The following SUPT3H variants were observed in gnomAD, a reference collection of about 807,000 sequenced individuals.
The protein encoded by SUPT3H is transcription initiation protein SPT3 homolog.
SUPT3H carries 44 observed loss-of-function variants against 44.3 expected under a neutral mutation model. The observed-to-expected ratio is 0.99, with a 90% CI of 0.78 to 1.28. The LOEUF (loss-of-function observed/expected upper bound fraction) is 1.28, where lower values mean the gene tolerates loss of function less well. Among genes scored for constraint, SUPT3H ranks in the 50% most tolerant of loss-of-function variants. The pLI is 0.00. For missense variants in SUPT3H, 380 were observed against 387.1 expected, an observed-to-expected ratio of 0.98 and a Z score of 0.15; for synonymous variants, 124 against 125.6, an observed-to-expected ratio of 0.99 and a Z score of 0.09.
chr6:44,848,282 A>G (rs1360039677), intron 10 of SUPT3H, among the ~76,000 whole-genome samples: 2 of 152,072 alleles, frequency 1.3e-5, no homozygotes, highest in African/African-American at 4.8e-5. Context: ...TGTCTTCATA[A>G]CTAGACTTCT....
intron 6 of SUPT3H, among the ~76,000 whole-genome samples, chr6:44,993,365 G>A (rs566113174): frequency 3.3e-5 from 5 of 151,822 alleles, no homozygotes; most frequent in Non-Finnish European, 5.9e-5. Flanking sequence ...GAAAAATAGG[G>A]ATCTAGGTAA....
At chr6:45,319,115 C>A (rs1030931973) in intron 2 of SUPT3H, among the ~76,000 whole-genome samples, 11 of 152,104 alleles carry the variant, frequency 7.2e-5, no homozygotes, top group South Asian at 2.1e-4. Context: ...CATTAAATGA[C>A]CCTTGAAGAT....
intron 2 of SUPT3H, among the ~76,000 whole-genome samples, chr6:45,346,872 A>C (rs1392994586): frequency 6.6e-6 from 1 of 152,174 alleles, no homozygotes; most frequent in African/African-American, 2.4e-5. Context: ...GCCTCAATAA[A>C]CATTTCTTAA....
intron 10 of SUPT3H, among the ~76,000 whole-genome samples, chr6:44,912,823 G>A (rs1053057931): frequency 6.6e-6 from 1 of 152,180 alleles, no homozygotes; most frequent in Non-Finnish European, 1.5e-5. Flanking sequence ...AATGAACACT[G>A]GCTCTGAATG....
chr6:44,829,944 G>C, intron 10 of SUPT3H, 87 bp from the exon 11 acceptor site: 1 of 1,225,450 alleles, frequency 8.2e-7, no homozygotes, highest in Non-Finnish European at 1.2e-6. Context: ...CCCTCTTCCT[G>C]TTTTGTAGAC....
At chr6:45,279,688 A>C (rs186101636) in intron 2 of SUPT3H, among the ~76,000 whole-genome samples, 29 of 152,324 alleles carry the variant, frequency 1.9e-4, no homozygotes, top group Non-Finnish European at 4.1e-4. Context: ...AAGCCAATTA[A>C]ACCTCTTTTC....
intron 2 of SUPT3H, among the ~76,000 whole-genome samples, chr6:45,142,619 T>C (rs979193592): frequency 3.3e-5 from 5 of 150,990 alleles, no homozygotes; most frequent in Non-Finnish European, 5.9e-5. Flanking sequence ...GCCTGTAATC[T>C]GAGCTACTCA....
At chr6:44,920,815 TTG>T (rs1323515812) in intron 10 of SUPT3H, among the ~76,000 whole-genome samples, 2 of 152,192 alleles carry the variant, frequency 1.3e-5, no homozygotes, top group Non-Finnish European at 2.9e-5. Flanking sequence ...TTCCTCATCT[TTG>T]CCTGAACAGC....
At chr6:45,031,075 T>A (rs1384483421) in intron 3 of SUPT3H, among the ~76,000 whole-genome samples, 4 of 152,218 alleles carry the variant, frequency 2.6e-5, no homozygotes, top group African/African-American at 9.6e-5. Flanking sequence ...TAACATTTTT[T>A]AAATGCCTAT....
At position 44,954,550 on chromosome 6, in the gene SUPT3H, G is replaced by T. The variant is rs1414371457; in HGVS notation, c.638C>A (p.Pro213His). Reference sequence around the variant, plus strand: ...TAAGATTTCCATTGCGACAACATTGGGTTTTATCTCCATACTGCTGCAGTC... The same window carrying T: ...TAAGATTTCCATTGCGACAACATTGTGTTTTATCTCCATACTGCTGCAGTC... Reference protein sequence around the residue: ...WLDCSSMEIKPNVVAMEILAY... With the variant: ...WLDCSSMEIKHNVVAMEILAY... Residue 213 changes from proline to histidine, a missense_variant, in exon 8 of 11, where the codon CCC becomes CAC. By Grantham distance (77) the Pro-to-His change is moderately conservative. Transcript: ENST00000371459. 1.9e-6 allele frequency: 3 copies of T among 1,613,824 alleles called. No individual in the cohort carries two copies. Among genetic ancestry groups the T allele is most frequent in the Admixed American group, 3.3e-5 (2 of 59,980 alleles).
At chr6:45,008,502 A>T (rs994349328) in intron 5 of SUPT3H, among the ~76,000 whole-genome samples, 1 of 151,968 alleles carries the variant, frequency 6.6e-6, no homozygotes, top group Non-Finnish European at 1.5e-5. Context: ...CCACAGGCAC[A>T]TGCCACTGAG....
chr6:44,887,282 C>A (rs971868509), intron 10 of SUPT3H, among the ~76,000 whole-genome samples: 6 of 152,174 alleles, frequency 3.9e-5, no homozygotes, highest in African/African-American at 1.2e-4. Context: ...TAGACATCTA[C>A]AGAACTCCCC....
intron 6 of SUPT3H, among the ~76,000 whole-genome samples, chr6:44,983,791 T>C (rs1292828288): frequency 6.6e-6 from 1 of 152,214 alleles, no homozygotes. Context: ...GTGAGGATGT[T>C]TTTTAACTGA....
intron 3 of SUPT3H, among the ~76,000 whole-genome samples, chr6:45,062,812 G>C (rs1344038134): frequency 6.6e-6 from 1 of 152,032 alleles, no homozygotes; most frequent in Admixed American, 6.5e-5. Flanking sequence ...AGGGTCCTAC[G>C]CCCACGGAGT....
chr6:44,887,233 T>C (rs944502856), intron 10 of SUPT3H, among the ~76,000 whole-genome samples: 10 of 152,066 alleles, frequency 6.6e-5, no homozygotes, highest in Admixed American at 3.3e-4. Context: ...AACAAGGATA[T>C]CCAGGAATTG....
At chr6:45,213,562 T>C (rs1030442501) in intron 2 of SUPT3H, among the ~76,000 whole-genome samples, 44 of 152,154 alleles carry the variant, frequency 2.9e-4, no homozygotes, top group Non-Finnish European at 5.0e-4. Flanking sequence ...TTATAGCCAC[T>C]GTAAATAAGA....
At chr6:45,118,626 T>C (rs1243331719) in intron 2 of SUPT3H, among the ~76,000 whole-genome samples, 1 of 152,136 alleles carries the variant, frequency 6.6e-6, no homozygotes, top group Non-Finnish European at 1.5e-5. Flanking sequence ...ATTTTCTCTG[T>C]CAAATAAGTC....
intron 3 of SUPT3H, among the ~76,000 whole-genome samples, chr6:45,045,480 G>C (rs1469975813): frequency 6.6e-6 from 1 of 152,152 alleles, no homozygotes; most frequent in Admixed American, 6.6e-5. Flanking sequence ...GAATGCTTGT[G>C]ATTTTTGCAC....
At position 44,933,432 on chromosome 6, in the gene SUPT3H, T is replaced by G. The variant is rs146098082; in HGVS notation, c.802-669A>C. On this transcript the variant is annotated intron_variant, in intron 9 of 10. Coordinates refer to ENST00000371459, the MANE Select transcript of SUPT3H (RefSeq NM_003599.4). ...AAACTTAAGAAATTATAGATGTGTA[T>G]ATGTGTGTTCAGCATGATTTTTCAA... Among the ~76,000 whole-genome samples, 15 of 152,296 alleles carry G rather than the reference T, an allele frequency of 9.8e-5. No individual in the cohort carries two copies. In the East Asian group the frequency reaches 2.1e-3, roughly 22 times the overall value.
Sources: allele counts gnomAD v4.1 joint callset (sites outside exome capture counted in the v4.1 genomes callset), GRCh38; gene constraint gnomAD v4.1.1; transcripts MANE v1.5; gene names NCBI Gene and HGNC (gene_info 2026-07-23, HGNC 2026-07-21).